The following ELK3 variants were observed in gnomAD, a reference collection of about 807,000 sequenced individuals.
ELK3 encodes the protein ETS transcription factor ELK3, also known as ETS domain-containing protein Elk-3.
In ELK3, 10 loss-of-function variants were observed where a neutral mutation model predicts 28.9. That is an observed-to-expected ratio of 0.35 (90% confidence interval 0.21 to 0.59). ELK3 has a LOEUF of 0.59. Among genes scored for constraint, ELK3 ranks in the 20% least tolerant of loss-of-function variants. The pLI is 0.82. For missense variants in ELK3, 463 were observed against 517.3 expected (o/e 0.90, Z 1.02); for synonymous variants, 272 against 243.5 (o/e 1.12, Z -1.09).
At chr12:96,261,564 G>A (rs1192360205) in intron 4 of ELK3, among the ~76,000 whole-genome samples, 1 of 152,164 alleles carries the variant, frequency 6.6e-6, no homozygotes, top group Non-Finnish European at 1.5e-5. Flanking sequence ...TGGCAGTAGG[G>A]ATTGTTATAC....
chr12:96,234,669 T>TA (rs1196430316), intron 2 of ELK3, among the ~76,000 whole-genome samples: 2 of 152,262 alleles, frequency 1.3e-5, no homozygotes, highest in Non-Finnish European at 2.9e-5. Flanking sequence ...TTTTTACATC[T>TA]ATTAGCTTAT....
At chr12:96,196,049 C>G (rs1951463722) in intron 1 of ELK3, among the ~76,000 whole-genome samples, 1 of 152,040 alleles carries the variant, frequency 6.6e-6, no homozygotes, top group South Asian at 2.1e-4. Context: ...GGAAAAAGTT[C>G]CTTGAATTTT....
chr12:96,215,629 CT>C (rs10611662), intron 1 of ELK3, among the ~76,000 whole-genome samples: 1,876 of 133,508 alleles, frequency 0.014, 25 homozygotes, highest in African/African-American at 0.042. Flanking sequence ...GACATAAAAC[CT>C]TTTTTTTTTT....
At chr12:96,243,199 T>C (rs895200236) in intron 2 of ELK3, among the ~76,000 whole-genome samples, 3 of 152,204 alleles carry the variant, frequency 2.0e-5, no homozygotes, top group Non-Finnish European at 4.4e-5. Context: ...AATTCACCCA[T>C]TTACCATATA....
At chr12:96,201,349 A>G (rs1047926107) in intron 1 of ELK3, among the ~76,000 whole-genome samples, 1 of 152,098 alleles carries the variant, frequency 6.6e-6, no homozygotes, top group Non-Finnish European at 1.5e-5. Flanking sequence ...GGCTGGGTGC[A>G]GTGGCTCACA....
chr12:96,249,762 A>C (rs1353947759), intron 3 of ELK3, among the ~76,000 whole-genome samples: 3 of 152,348 alleles, frequency 2.0e-5, no homozygotes, highest in Non-Finnish European at 4.4e-5. Flanking sequence ...CCTGTGGATA[A>C]TGTGGATGGA....
At chr12:96,259,368 G>A (rs1468732010) in intron 3 of ELK3, among the ~76,000 whole-genome samples, 11 of 152,000 alleles carry the variant, frequency 7.2e-5, no homozygotes, top group African/African-American at 2.4e-4. Context: ...CCTGGCCAAC[G>A]TAATGAAACC....
intron 1 of ELK3, among the ~76,000 whole-genome samples, chr12:96,210,565 GCACA>G (rs56257302): frequency 8.2e-5 from 12 of 146,424 alleles, no homozygotes; most frequent in Admixed American, 1.4e-4. Context: ...GCGGGCGCAC[GCACA>G]CACACACACA....
chr12:96,205,265 G>T (rs562111770), intron 1 of ELK3, among the ~76,000 whole-genome samples: 9 of 152,316 alleles, frequency 5.9e-5, no homozygotes, highest in Non-Finnish European at 1.2e-4. Context: ...ATCCCATTAT[G>T]AACATACAGA....
At chr12:96,209,615 T>C (rs972628981) in intron 1 of ELK3, among the ~76,000 whole-genome samples, 1 of 152,218 alleles carries the variant, frequency 6.6e-6, no homozygotes, top group Non-Finnish European at 1.5e-5. Context: ...TATTTTGATT[T>C]TTGTAACACC....
intron 2 of ELK3, among the ~76,000 whole-genome samples, chr12:96,235,564 C>T (rs114361084): frequency 0.018 from 2,790 of 152,188 alleles, 87 homozygotes; most frequent in African/African-American, 0.062. Context: ...TCCAAGAAAG[C>T]GTCTTGCCCT....
chr12:96,241,450 G>GTGTGTGTT (rs1447597536), intron 2 of ELK3, among the ~76,000 whole-genome samples: 19 of 151,952 alleles, frequency 1.3e-4, no homozygotes, highest in African/African-American at 4.3e-4. Flanking sequence ...GTGTGTGTGT[G>GTGTGTGTT]TGTGTGTGTA....
rs542330324 is a variant in ELK3 at position 96,259,859 on chromosome 12, C to A, written c.1125+6C>A. 6.3e-7 allele frequency: 1 copy of A among 1,585,378 alleles called. No individual in the cohort carries two copies. The highest frequency in any genetic ancestry group is 8.6e-7 in the Non-Finnish European group (1 of 1,168,182). On this transcript the variant is annotated splice_donor_region_variant and intron_variant, in intron 4 of 4. Transcript: ENST00000228741. ...GGCCAAGCACGCTGTTCCAGGTGAG[C>A]GTTTGGAAATGAACTTTTGAACATT...
chr12:96,246,321 A>G (rs1174855494), intron 2 of ELK3, among the ~76,000 whole-genome samples: 2 of 152,330 alleles, frequency 1.3e-5, no homozygotes, highest in Admixed American at 1.3e-4. Flanking sequence ...TGCTGTTCAG[A>G]TTGTATGAGA....
chr12:96,258,926 A>G (rs868692654), intron 3 of ELK3, among the ~76,000 whole-genome samples: 5 of 152,212 alleles, frequency 3.3e-5, no homozygotes, highest in Admixed American at 2.0e-4. Context: ...AGAGCTTCTG[A>G]AGAGGCTGCT....
intron 3 of ELK3, among the ~76,000 whole-genome samples, chr12:96,252,200 G>T (rs1438183800): frequency 6.6e-6 from 1 of 152,166 alleles, no homozygotes; most frequent in African/African-American, 2.4e-5. Flanking sequence ...GCCCAGGTGA[G>T]ACCTACTACT....
At chr12:96,250,948 C>T (rs374488043) in intron 3 of ELK3, among the ~76,000 whole-genome samples, 115 of 152,258 alleles carry the variant, frequency 7.6e-4, no homozygotes, top group African/African-American at 2.7e-3. Flanking sequence ...GCCTGTGTCA[C>T]GTGGTTACCT....
chr12:96,249,787 C>T (rs564106109), intron 3 of ELK3, among the ~76,000 whole-genome samples: 2 of 22,498 alleles, frequency 8.9e-5, no homozygotes, highest in Admixed American at 4.6e-4. Context: ...TGGCTCCCAT[C>T]GGTGGGGCTG....
chr12:96,241,239 A>C (rs1320324048), intron 2 of ELK3, among the ~76,000 whole-genome samples: 2 of 152,144 alleles, frequency 1.3e-5, no homozygotes, highest in African/African-American at 2.4e-5. Context: ...CATTTAATTA[A>C]CTCATTTAAA....
Sources: allele counts gnomAD v4.1 joint callset (sites outside exome capture counted in the v4.1 genomes callset), GRCh38; gene constraint gnomAD v4.1.1; transcripts MANE v1.5; gene names NCBI Gene and HGNC (gene_info 2026-07-23, HGNC 2026-07-21).